Variants in LMO7 observed in about 807,000 individuals in gnomAD.
LMO7 encodes the protein LIM domain 7.
A neutral mutation model predicts 206.5 loss-of-function variants in LMO7; 120 were observed. That is an observed-to-expected ratio of 0.58 (90% CI 0.50 to 0.68). The LOEUF (loss-of-function observed/expected upper bound fraction) is 0.68. Ranked by LOEUF, LMO7 falls within the 30% of genes least tolerant of loss-of-function variation. The pLI, the probability that LMO7 is intolerant of heterozygous loss-of-function variation, is 0.00. For missense variants in LMO7, 1,959 were observed against 1,957.9 expected (o/e 1.00, Z -0.01); for synonymous variants, 706 against 681.5 (o/e 1.04, Z -0.56).
At position 75,809,171 on chromosome 13, in the gene LMO7, A is replaced by T; in HGVS notation, c.1934A>T (p.Tyr645Phe). ...LMVERLFQKIYGENGSKSMSD... is the reference protein window; with the variant it reads ...LMVERLFQKIFGENGSKSMSD... ...TTTCTTAGACTCTTTCAAAAGATTT[A>T]TGGTGAGAATGGGTAAGTTGTGTGG... is the stretch of plus-strand genomic sequence containing the variant. The change falls in exon 11 of 31, where the codon TAT (tyrosine) becomes TTT (phenylalanine). Residue 645 changes from tyrosine (Y) to phenylalanine (F), a missense_variant. Tyr to Phe is a conservative substitution (Grantham distance 22). Transcript: ENST00000377534. 6.2e-7 allele frequency: 1 copy of T among 1,612,494 alleles called. No homozygotes were observed.
chr13:75,698,667 C>T (rs932265158), intron 1 of LMO7, among the ~76,000 whole-genome samples: 5 of 149,310 alleles, frequency 3.3e-5, no homozygotes, highest in Non-Finnish European at 7.4e-5. Context: ...AATAGCTTAA[C>T]TTCTGTTGAA....
At chr13:75,689,260 C>T (rs1212379294) in intron 1 of LMO7, 2 of 152,224 alleles carry the variant, frequency 1.3e-5, no homozygotes, top group African/African-American at 4.8e-5. Flanking sequence ...TGCCTGGCCA[C>T]ACAACCAGAA....
chr13:75,793,639 C>T (rs1273329709), intron 4 of LMO7, among the ~76,000 whole-genome samples: 3 of 152,188 alleles, frequency 2.0e-5, no homozygotes, highest in African/African-American at 4.8e-5. Context: ...GGTTTGAGCA[C>T]ATGGGCTGTG....
At chr13:75,775,145 TAAACTTTATCTGCAA>T (rs1320179407) in intron 4 of LMO7, among the ~76,000 whole-genome samples, 1 of 152,118 alleles carries the variant, frequency 6.6e-6, no homozygotes, top group Admixed American at 6.5e-5. Flanking sequence ...AGAGTTTTGA[TAAACTTTATCTGCAA>T]AAACTCATTG....
chr13:75,835,357 T>C lies in LMO7; in HGVS notation c.3333+18T>C. 1 of 1,531,186 alleles carries C rather than the reference T, an allele frequency of 6.5e-7. No homozygotes were observed. Among genetic ancestry groups the C allele is most frequent in the Non-Finnish European group, 8.9e-7 (1 of 1,122,852 alleles). 94.8% of individuals were successfully genotyped at this position (1,531,186 alleles called of 1,614,324 possible). On this transcript the variant is annotated intron_variant, in intron 18 of 30. Coordinates refer to ENST00000377534, the MANE Select transcript of LMO7 (RefSeq NM_001306080.2). ...AGAGTTCTGTGAGTATTTGGAGAAG[T>C]AGGAAGTACTGGTGTGGAGTAAAGC...
chr13:75,690,920 T>A (rs1322984050), intron 1 of LMO7, among the ~76,000 whole-genome samples: 1 of 152,220 alleles, frequency 6.6e-6, no homozygotes, highest in Non-Finnish European at 1.5e-5. Flanking sequence ...TTTCTGATAA[T>A]GTTGCAAGGA....
At chr13:75,627,070 CCT>C (rs1209725825) in intron 2 of LMO7, 2 of 152,028 alleles carry the variant, frequency 1.3e-5, no homozygotes, top group African/African-American at 4.8e-5. Context: ...TGGGTTGTTT[CCT>C]CTCTGAGTCC....
At chr13:75,652,614 AGTGT>A (rs59671117) in intron 1 of LMO7, among the ~76,000 whole-genome samples, 6,843 of 137,836 alleles carry the variant, frequency 0.05, 193 homozygotes, top group East Asian at 0.17. Flanking sequence ...CCACAAGTTC[AGTGT>A]GTGTGTGTGT....
intron 14 of LMO7, 26 bp downstream of exon 14, chr13:75,821,635 G>A: frequency 1.3e-6 from 2 of 1,574,850 alleles, no homozygotes; most frequent in Non-Finnish European, 1.7e-6. Context: ...GGTTCATTTA[G>A]TCTGTTCTGA....
At chr13:75,763,537 T>C (rs2048457298) in intron 4 of LMO7, among the ~76,000 whole-genome samples, 1 of 152,198 alleles carries the variant, frequency 6.6e-6, no homozygotes, top group Non-Finnish European at 1.5e-5. Context: ...TGTGGTAATA[T>C]GTGTGAGTAC....
Position 75,858,219 on chromosome 13 carries a change from G to A in LMO7, c.*276G>A, listed in dbSNP as rs1024113630. ...CACAAGGGAAAAAATAAGAACCTAC[G>A]AATATTTTTGAGGCAGATAATGATC... is the stretch of plus-strand genomic sequence containing the variant. On this transcript the variant is annotated 3_prime_UTR_variant, in exon 31 of 31. Coordinates refer to ENST00000377534, the MANE Select transcript of LMO7 (RefSeq NM_001306080.2). 8 of 345,512 alleles carry A rather than the reference G, an allele frequency of 2.3e-5. No individual in the cohort carries two copies. Among genetic ancestry groups the A allele is most frequent in the South Asian group, 1.2e-4 (1 of 8,004 alleles). The allele number at this position is 345,512 out of a possible 1,614,324, so 21.4% of individuals were successfully genotyped here.
At chr13:75,802,226 T>A (rs545943552) in intron 7 of LMO7, among the ~76,000 whole-genome samples, 166 of 152,338 alleles carry the variant, frequency 1.1e-3, no homozygotes, top group African/African-American at 3.9e-3. Context: ...AGTAGTAGTT[T>A]TTAAAAATAA....
intron 1 of LMO7, among the ~76,000 whole-genome samples, chr13:75,695,487 C>T (rs1041818036): frequency 2.6e-5 from 4 of 152,260 alleles, no homozygotes; most frequent in Admixed American, 2.0e-4. Context: ...GCTGGGACTA[C>T]TGGCACATGC....
intron 15 of LMO7, among the ~76,000 whole-genome samples, chr13:75,828,688 C>T (rs774568080): frequency 7.2e-5 from 11 of 152,136 alleles, no homozygotes; most frequent in Non-Finnish European, 1.3e-4. Flanking sequence ...AAAGTTCTGG[C>T]AACTGTGTGG....
intron 4 of LMO7, among the ~76,000 whole-genome samples, chr13:75,769,728 A>T (rs548965227): frequency 6.6e-6 from 1 of 152,122 alleles, no homozygotes; most frequent in Non-Finnish European, 1.5e-5. Context: ...CAATTTAACA[A>T]GGGTTTGCTC....
At chr13:75,745,630 G>C (rs1489775856) in intron 3 of LMO7, among the ~76,000 whole-genome samples, 11 of 152,106 alleles carry the variant, frequency 7.2e-5, no homozygotes. Context: ...TATTGTATGA[G>C]ATTAACATTT....
intron 2 of LMO7, chr13:75,628,705 C>A (rs752065356): frequency 1.1e-4 from 17 of 152,128 alleles, no homozygotes; most frequent in African/African-American, 3.9e-4. Context: ...AAATTCAGTT[C>A]TTTTATTAGA....
intron 15 of LMO7, among the ~76,000 whole-genome samples, chr13:75,831,468 C>G (rs943176608): frequency 1.3e-5 from 2 of 152,050 alleles, no homozygotes; most frequent in African/African-American, 4.8e-5. Context: ...TGTACTCAGT[C>G]CATTTAATGT....
intron 20 of LMO7, among the ~76,000 whole-genome samples, chr13:75,839,175 A>G (rs1204132145): frequency 6.6e-6 from 1 of 152,120 alleles, no homozygotes; most frequent in Non-Finnish European, 1.5e-5. Flanking sequence ...TTATATTTTA[A>G]AATAAAATTC....
Sources: gnomAD v4.1 joint callset for allele counts (sites outside exome capture counted in the v4.1 genomes callset) on GRCh38, gnomAD v4.1.1 for gene constraint, MANE v1.5 for transcripts, NCBI Gene and HGNC (gene_info 2026-07-23, HGNC 2026-07-21) for gene names.